ZNF251: variants seen among roughly 807,000 people sequenced by gnomAD.
ZNF251 encodes zinc finger protein 251.
Under a neutral mutation model 13.5 loss-of-function variants are expected in ZNF251, and 14 were observed. That is an observed-to-expected ratio of 1.04 (90% CI 0.69 to 1.63). The LOEUF (loss-of-function observed/expected upper bound fraction) is 1.63, where lower values mean the gene tolerates loss of function less well. Among genes scored for constraint, ZNF251 ranks in the 40% most tolerant of loss-of-function variants. The pLI, the probability that ZNF251 is intolerant of heterozygous loss-of-function variation, is 0.00. For missense variants in ZNF251, 764 were observed against 834.9 expected (o/e 0.92, Z 1.05); for synonymous variants, 287 against 295.2 (o/e 0.97, Z 0.28).
rs1458660550 is a variant in ZNF251 at position 144,754,539 on chromosome 8, G to A, written c.33+157C>T. 43 of 1,450,356 alleles carry A rather than the reference G, an allele frequency of 3.0e-5. 1 individual carries two copies. The highest frequency in any genetic ancestry group is 8.2e-6 in the Non-Finnish European group (9 of 1,099,404). The allele number at this position is 1,450,356 out of a possible 1,614,324, so 89.8% of individuals were successfully genotyped here. On this transcript the variant is annotated intron_variant, in intron 2 of 4. Transcript: ENST00000292562. ...TGAGCTCAGAGCCCCTCTCCCTGCAGGAGGGCGAGTCTACCTCTCAGAACC... is the reference window on the plus strand; with the variant it reads ...TGAGCTCAGAGCCCCTCTCCCTGCAAGAGGGCGAGTCTACCTCTCAGAACC...
Position 144,721,846 on chromosome 8 carries a change from C to A in ZNF251, c.1814G>T (p.Gly605Val). Reference sequence around the variant, plus strand: ...CTGATGTTGAATAAGGGTTGACTTTCCACTGAAGGCGTTTCCACATTCTTG... The same window carrying A: ...CTGATGTTGAATAAGGGTTGACTTTACACTGAAGGCGTTTCCACATTCTTG... ...KCQECGNAFSGKSTLIQHQVT... is the reference protein window; with the variant it reads ...KCQECGNAFSVKSTLIQHQVT... The change falls in exon 5 of 5, where the codon GGA (glycine) becomes GTA (valine). Residue 605 changes from glycine (G) to valine (V), a missense_variant. Transcript: ENST00000292562. 6.7e-7 allele frequency: 1 copy of A among 1,497,892 alleles called. No homozygotes were observed. Among genetic ancestry groups the A allele is most frequent in the Non-Finnish European group, 8.9e-7 (1 of 1,123,356 alleles). The allele number at this position is 1,497,892 out of a possible 1,614,324, so 92.8% of individuals were successfully genotyped here.
At chr8:144,735,957 C>T (rs1037282035) in intron 4 of ZNF251, among the ~76,000 whole-genome samples, 1 of 152,162 alleles carries the variant, frequency 6.6e-6, no homozygotes, top group Non-Finnish European at 1.5e-5. Context: ...CTCAACTGAC[C>T]CTGGCCCCCC....
At chr8:144,736,455 TTTTATTTA>T (rs71297475) in intron 4 of ZNF251, among the ~76,000 whole-genome samples, 3,522 of 142,326 alleles carry the variant, frequency 0.025, 79 homozygotes, top group African/African-American at 0.059. Flanking sequence ...CCTTCCTTTA[TTTTATTTA>T]TTTATTTATT....
At chr8:144,729,087 T>TG (rs1301798873) in intron 4 of ZNF251, among the ~76,000 whole-genome samples, 5 of 71,270 alleles carry the variant, frequency 7.0e-5, no homozygotes, top group South Asian at 8.0e-4. Context: ...ACTCCATCTA[T>TG]GGAAAAAAAA....
At chr8:144,745,647 A>G (rs1824390724) in intron 4 of ZNF251, among the ~76,000 whole-genome samples, 2 of 152,098 alleles carry the variant, frequency 1.3e-5, no homozygotes, top group Admixed American at 6.6e-5. Flanking sequence ...CCTAGGCTCA[A>G]GCAGTCCTCC....
At chr8:144,728,438 C>T (rs1404550081) in intron 4 of ZNF251, among the ~76,000 whole-genome samples, 8 of 151,792 alleles carry the variant, frequency 5.3e-5, no homozygotes, top group East Asian at 1.9e-4. Context: ...CCGAGACGGG[C>T]GGATCACGAG....
chr8:144,754,128 A>C, intron 3 of ZNF251, 64 bp downstream of exon 3: 4 of 1,560,042 alleles, frequency 2.6e-6, no homozygotes, highest in Non-Finnish European at 3.5e-6. Flanking sequence ...CAAAGAGCCA[A>C]AGCAGCCTCC....
At chr8:144,755,264 G>T in intron 1 of ZNF251, 141 bp downstream of exon 1, 1 of 353,246 alleles carries the variant, frequency 2.8e-6, no homozygotes, top group Non-Finnish European at 5.2e-6. Context: ...GCCTCCTCCC[G>T]GCCTCTGCAG....
intron 3 of ZNF251, 67 bp from the exon 4 acceptor site, chr8:144,753,863 G>A (rs147579342): frequency 8.0e-7 from 1 of 1,254,520 alleles, no homozygotes; most frequent in Admixed American, 2.2e-5. Context: ...GGTGTGGAGA[G>A]ATGGGCCCTG....
chr8:144,745,086 GA>G (rs1266513713), intron 4 of ZNF251, among the ~76,000 whole-genome samples: 2 of 152,074 alleles, frequency 1.3e-5, no homozygotes, highest in African/African-American at 4.8e-5. Context: ...AGGGGAAGGG[GA>G]GCGGAGGAAA....
intron 4 of ZNF251, among the ~76,000 whole-genome samples, chr8:144,739,412 C>T (rs567214793): frequency 1.3e-5 from 2 of 152,202 alleles, no homozygotes; most frequent in East Asian, 1.9e-4. Flanking sequence ...GACTCCACTC[C>T]CCCGCCTAAA....
intron 4 of ZNF251, among the ~76,000 whole-genome samples, chr8:144,729,108 A>AG (rs59600107): frequency 6.7e-6 from 1 of 148,848 alleles, no homozygotes; most frequent in Non-Finnish European, 1.5e-5. Context: ...AAAAAAAAAA[A>AG]GCAGCAGTAT....
chr8:144,730,028 C>T (rs540079582), intron 4 of ZNF251: 2 of 985,466 alleles, frequency 2.0e-6, no homozygotes, highest in African/African-American at 3.5e-5. Context: ...TGCCCTCACC[C>T]ACCAACTCGA....
At chr8:144,732,749 T>C (rs767041518) in intron 4 of ZNF251, among the ~76,000 whole-genome samples, 84 of 150,156 alleles carry the variant, frequency 5.6e-4, no homozygotes, top group Non-Finnish European at 1.2e-3. Context: ...GAGGCGGAGC[T>C]TGCAGTGAGC....
intron 4 of ZNF251, among the ~76,000 whole-genome samples, chr8:144,745,071 GC>G (rs1162847669): frequency 6.6e-6 from 1 of 152,104 alleles, no homozygotes; most frequent in Non-Finnish European, 1.5e-5. Flanking sequence ...GGGACGGGGA[GC>G]GGGAGGGGAA....
chr8:144,727,971 C>A (rs764193388), intron 4 of ZNF251, among the ~76,000 whole-genome samples: 2 of 152,160 alleles, frequency 1.3e-5, no homozygotes, highest in Non-Finnish European at 2.9e-5. Context: ...ATCCACCACG[C>A]CTGAAGAAGT....
chr8:144,745,834 C>G (rs1020619248), intron 4 of ZNF251, among the ~76,000 whole-genome samples: 2 of 152,068 alleles, frequency 1.3e-5, no homozygotes, highest in African/African-American at 4.8e-5. Flanking sequence ...AGGCATAAAC[C>G]ACCACACTTA....
chr8:144,731,627 C>T (rs1456718869), intron 4 of ZNF251, among the ~76,000 whole-genome samples: 3 of 152,222 alleles, frequency 2.0e-5, no homozygotes, highest in Non-Finnish European at 4.4e-5. Context: ...TGCTCTATTG[C>T]CCAGGCTGGA....
rs1824857075 is a variant in ZNF251 at position 144,754,438 on chromosome 8, T to C, written c.34-117A>G. 5 of 1,451,042 alleles carry C rather than the reference T, an allele frequency of 3.4e-6. No individual in the cohort carries two copies. In the Admixed American group the frequency reaches 1.4e-4, roughly 41 times the overall value. The allele number at this position is 1,451,042 out of a possible 1,614,324, so 89.9% of individuals were successfully genotyped here. A position where few individuals can be genotyped will look rare whatever the true frequency, so the allele number is the denominator to read the frequency against. Reference sequence around the variant, plus strand: ...GGGCCCTGCTGTGGTCAGTATGAACTGTGTATCAGCAGGTCCCTGATGGGG... The same window carrying C: ...GGGCCCTGCTGTGGTCAGTATGAACCGTGTATCAGCAGGTCCCTGATGGGG... On this transcript the variant is annotated intron_variant, in intron 2 of 4. Coordinates refer to ENST00000292562, the MANE Select transcript of ZNF251 (RefSeq NM_138367.2).
Sources: gnomAD v4.1 joint callset for allele counts (sites outside exome capture counted in the v4.1 genomes callset) on GRCh38, gnomAD v4.1.1 for gene constraint, MANE v1.5 for transcripts, NCBI Gene and HGNC (gene_info 2026-07-23, HGNC 2026-07-21) for gene names.